IRAK1BP1: variants seen among roughly 807,000 people sequenced by gnomAD.
IRAK1BP1 encodes interleukin-1 receptor-associated kinase 1-binding protein 1.
IRAK1BP1 carries 24 observed loss-of-function variants against 28.0 expected under a neutral mutation model. The observed-to-expected ratio is 0.86, with a 90% CI of 0.62 to 1.20. IRAK1BP1 has a LOEUF of 1.20. IRAK1BP1 is among the 50% of genes most tolerant of loss of function. IRAK1BP1 has a pLI of 0.00. For synonymous variants in IRAK1BP1, 131 were observed against 116.3 expected, an observed-to-expected ratio of 1.13 and a Z score of -0.81; for missense variants, 336 against 316.7, an observed-to-expected ratio of 1.06 and a Z score of -0.46.
chr6:78,908,576 G>T (rs1437301947), intron 4 of IRAK1BP1, among the ~76,000 whole-genome samples: 3 of 152,068 alleles, frequency 2.0e-5, no homozygotes, highest in Admixed American at 6.5e-5. Flanking sequence ...CCTGGCCTCA[G>T]CTTATCCTCC....
chr6:78,969,551 T>A, the IRAK1BP1 span, among the ~76,000 whole-genome samples: 2 of 152,162 alleles, frequency 1.3e-5, no homozygotes, highest in Non-Finnish European at 2.9e-5. Flanking sequence ...AAATTTAAAT[T>A]GTTATTAATA....
the IRAK1BP1 span, chr6:78,963,050 T>A: frequency 6.6e-7 from 1 of 1,514,648 alleles, no homozygotes; most frequent in Non-Finnish European, 8.9e-7. Flanking sequence ...TTTCCATTAC[T>A]TTGTGTTCTG....
In IRAK1BP1 at chr6:78,891,671, G is replaced by A. The variant is rs376673805; in HGVS notation, c.382-6158G>A. On this transcript the variant is annotated intron_variant, in intron 2 of 3. Transcript: ENST00000369940. The stretch of plus-strand genomic sequence containing the variant: ...GAACCGGGTTTTCACCATGTTGGCC[G>A]GGCTGGTCTCGAACTCCTGGCCTCA... Among the ~76,000 whole-genome samples, 9 of 152,120 alleles carry A rather than the reference G, an allele frequency of 5.9e-5. No homozygotes were observed. The South Asian group carries it at 1.2e-3, about 21-fold the overall frequency.
At chr6:78,972,753 C>T in the IRAK1BP1 span, among the ~76,000 whole-genome samples, 37 of 151,890 alleles carry the variant, frequency 2.4e-4, 2 homozygotes, top group East Asian at 5.2e-3. Context: ...GGAGCCGATG[C>T]GATGAACTGG....
At chr6:78,889,748 A>G (rs150350755) in intron 2 of IRAK1BP1, among the ~76,000 whole-genome samples, 2,175 of 152,266 alleles carry the variant, frequency 0.014, 51 homozygotes, top group African/African-American at 0.05. Flanking sequence ...TAGAATGGCA[A>G]TCTTTAAAAA....
At chr6:78,867,916 T>C (rs993508333) in intron 1 of IRAK1BP1, 25 bp downstream of exon 1, 6 of 1,533,760 alleles carry the variant, frequency 3.9e-6, no homozygotes, top group Non-Finnish European at 5.3e-6. Context: ...GGGGAGGAAA[T>C]AAGAGCCGGA....
intron 4 of IRAK1BP1, among the ~76,000 whole-genome samples, chr6:78,917,977 T>A (rs1042300839): frequency 2.0e-5 from 3 of 152,160 alleles, no homozygotes; most frequent in Admixed American, 6.5e-5. Context: ...CACACTTAAG[T>A]ACATAGCCCA....
chr6:78,884,711 C>T (rs186245514), intron 1 of IRAK1BP1, among the ~76,000 whole-genome samples: 2 of 152,168 alleles, frequency 1.3e-5, no homozygotes, highest in East Asian at 3.9e-4. Context: ...AATTTAGTAA[C>T]TTGCCCAGAG....
At chr6:78,952,433 A>G in the IRAK1BP1 span, among the ~76,000 whole-genome samples, 1 of 151,080 alleles carries the variant, frequency 6.6e-6, no homozygotes, top group Middle Eastern at 3.4e-3. Flanking sequence ...AAAAAGAAAA[A>G]AAAAAAAGAA....
At chr6:78,929,976 ACTC>A (rs1161597423) in intron 4 of IRAK1BP1, among the ~76,000 whole-genome samples, 1 of 152,098 alleles carries the variant, frequency 6.6e-6, no homozygotes, top group Non-Finnish European at 1.5e-5. Flanking sequence ...TCCCTCTGTC[ACTC>A]AGGCTGGAGT....
chr6:78,890,103 C>A lies in IRAK1BP1; in HGVS notation c.381+4660C>A, dbSNP rs149540422. Among the ~76,000 whole-genome samples the A allele has an allele frequency of 5.7e-3, 863 of 152,150 alleles. 12 individuals are homozygous for A. The highest frequency in any genetic ancestry group is 0.02 in the African/African-American group (828 of 41,494). On this transcript the variant is annotated intron_variant, in intron 2 of 3. Transcript: ENST00000369940. ...TACTATGCAGCCATAAAAAAGGATG[C>A]GTTCATGTTCTTTGCGGGGACATGG...
In IRAK1BP1 at chr6:78,902,263, C is replaced by A. The variant is rs927617088; in HGVS notation, c.*3929C>A. On this transcript the variant is annotated 3_prime_UTR_variant, in exon 4 of 4. Transcript: ENST00000369940. ...GCTGAAGAAATCCTCTCACCTCAGCCTTTTAAGTAGCTGAAACATTAGGTG... is the reference window on the plus strand; with the variant it reads ...GCTGAAGAAATCCTCTCACCTCAGCATTTTAAGTAGCTGAAACATTAGGTG... 6.6e-6 allele frequency: 1 copy of A among 152,202 alleles called. No individual in the cohort carries two copies. The highest frequency in any genetic ancestry group is 1.5e-5 in the Non-Finnish European group (1 of 68,076). The allele number at this position is 152,202 out of a possible 1,614,324, so 9.4% of individuals were successfully genotyped here. A position where few individuals can be genotyped will look rare whatever the true frequency, so the allele number is the denominator to read the frequency against.
At chr6:78,918,578 T>TAAAAAAAAAA (rs58669467) in intron 4 of IRAK1BP1, among the ~76,000 whole-genome samples, 3 of 66,798 alleles carry the variant, frequency 4.5e-5, no homozygotes, top group African/African-American at 1.2e-4. Flanking sequence ...CCAAAAACAG[T>TAAAAAAAAAA]AAAAAAAAAA....
chr6:78,921,176 C>A (rs1279166508), intron 4 of IRAK1BP1, among the ~76,000 whole-genome samples: 2 of 152,158 alleles, frequency 1.3e-5, no homozygotes. Flanking sequence ...CTTTCCTAGC[C>A]AAGGAAAGGG....
the IRAK1BP1 span, among the ~76,000 whole-genome samples, chr6:78,975,052 T>C: frequency 0.92 from 137,556 of 148,888 alleles, 63,667 homozygotes; most frequent in East Asian, 1. Flanking sequence ...ATACCAAAGC[T>C]GGGCAGAGAC....
chr6:78,954,892 A>G, the IRAK1BP1 span: 2 of 1,587,732 alleles, frequency 1.3e-6, no homozygotes, highest in Non-Finnish European at 1.7e-6. Context: ...ACAATTCTTC[A>G]CACTGTTTCT....
At position 78,900,729 on chromosome 6, in the gene IRAK1BP1, C is replaced by T. The variant is rs1170212003; in HGVS notation, c.*2395C>T. On this transcript the variant is annotated 3_prime_UTR_variant, in exon 4 of 4. Transcript: ENST00000369940. ...TCTCTTTAATCTTCCTTTGTCCTTA[C>T]AAATGAAAGAGACTAATAGTACTTA... is the stretch of plus-strand genomic sequence containing the variant. 1 of 152,104 alleles carries T rather than the reference C, an allele frequency of 6.6e-6. No individual in the cohort carries two copies. The highest frequency in any genetic ancestry group is 2.4e-5 in the African/African-American group (1 of 41,422). The allele number at this position is 152,104 out of a possible 1,614,324, so 9.4% of individuals were successfully genotyped here.
chr6:78,957,605 C>T, the IRAK1BP1 span: 1 of 150,244 alleles, frequency 6.7e-6, no homozygotes, highest in South Asian at 2.1e-4. Context: ...ACTGAATAAT[C>T]CTGAATTTTT....
At chr6:78,884,946 A>G (rs988286092) in intron 1 of IRAK1BP1, among the ~76,000 whole-genome samples, 5 of 151,934 alleles carry the variant, frequency 3.3e-5, no homozygotes, top group African/African-American at 9.7e-5. Context: ...ACTAAATACA[A>G]TTTTAGTACT....
Sources: gnomAD v4.1 joint callset for allele counts (sites outside exome capture counted in the v4.1 genomes callset) on GRCh38, gnomAD v4.1.1 for gene constraint, MANE v1.5 for transcripts, NCBI Gene and HGNC (gene_info 2026-07-23, HGNC 2026-07-21) for gene names.